The following CLSTN2 variants were observed in gnomAD, a reference collection of about 807,000 sequenced individuals.
CLSTN2 encodes calsyntenin-2.
CLSTN2 carries 48 observed loss-of-function variants against 101.2 expected under a neutral mutation model. That is an observed-to-expected ratio of 0.47 (90% CI 0.38 to 0.60). The LOEUF (loss-of-function observed/expected upper bound fraction) is 0.60. CLSTN2 is among the 20% of genes least tolerant of loss of function. CLSTN2 has a pLI of 0.00. For missense variants in CLSTN2, 1,160 were observed against 1,238.2 expected (o/e 0.94, Z 0.95); for synonymous variants, 481 against 463.6 (o/e 1.04, Z -0.48).
At chr3:140,431,785 A>G (rs1361187973) in intron 5 of CLSTN2, among the ~76,000 whole-genome samples, 2 of 152,198 alleles carry the variant, frequency 1.3e-5, no homozygotes, top group African/African-American at 4.8e-5. Flanking sequence ...CCCAACCCTT[A>G]GCTGGGTCAT....
rs150909591 is a variant in CLSTN2, at chr3:140,021,387, T to C, written c.109+85904T>C. Among the ~76,000 whole-genome samples the C allele has an allele frequency of 6.9e-4, 105 of 152,300 alleles. 2 individuals are homozygous for C. The East Asian group carries it at 0.014, about 20-fold the overall frequency. On this transcript the variant is annotated intron_variant, in intron 1 of 16. Transcript: ENST00000458420. ...TGATGGACTGAAAGCAGAGCAGGAC[T>C]GTCAACGTAGTCAACCCAATGGCGT...
chr3:140,000,492 G>A (rs2006806390), intron 1 of CLSTN2, among the ~76,000 whole-genome samples: 1 of 152,138 alleles, frequency 6.6e-6, no homozygotes, highest in African/African-American at 2.4e-5. Context: ...AATGAACATT[G>A]GAATTATCAG....
chr3:140,177,769 C>T (rs1179197912), intron 2 of CLSTN2, among the ~76,000 whole-genome samples: 1 of 152,088 alleles, frequency 6.6e-6, no homozygotes, highest in Non-Finnish European at 1.5e-5. Flanking sequence ...TGCACTCTAT[C>T]CTGTGTGACA....
At chr3:140,372,249 G>A (rs139689140) in intron 2 of CLSTN2, among the ~76,000 whole-genome samples, 33 of 152,222 alleles carry the variant, frequency 2.2e-4, no homozygotes, top group African/African-American at 6.7e-4. Flanking sequence ...CCTGATCCCC[G>A]TTGCTGGTCT....
At chr3:140,424,966 G>A (rs1461302724) in intron 5 of CLSTN2, among the ~76,000 whole-genome samples, 1 of 152,174 alleles carries the variant, frequency 6.6e-6, no homozygotes, top group African/African-American at 2.4e-5. Flanking sequence ...AGAGGGAGCT[G>A]TGTGCATTTG....
chr3:140,467,998 C>T (rs1037002277), intron 8 of CLSTN2, among the ~76,000 whole-genome samples: 1 of 152,208 alleles, frequency 6.6e-6, no homozygotes, highest in African/African-American at 2.4e-5. Flanking sequence ...GGATGCCAAG[C>T]TGATGGAAAA....
At chr3:139,966,746 G>C (rs1004371388) in intron 1 of CLSTN2, among the ~76,000 whole-genome samples, 9 of 152,200 alleles carry the variant, frequency 5.9e-5, no homozygotes, top group African/African-American at 2.2e-4. Context: ...AGGCTCATAA[G>C]TGTTTGTTGA....
chr3:140,390,534 A>G (rs1399242619), intron 2 of CLSTN2, among the ~76,000 whole-genome samples: 5 of 152,208 alleles, frequency 3.3e-5, no homozygotes, highest in Admixed American at 6.5e-5. Context: ...GGTCTTTATG[A>G]ACATAACATG....
chr3:140,285,707 C>T (rs181171369), intron 2 of CLSTN2, among the ~76,000 whole-genome samples: 38 of 152,212 alleles, frequency 2.5e-4, no homozygotes, highest in African/African-American at 8.9e-4. Flanking sequence ...CTCTTGATGC[C>T]AATGCTGCTG....
chr3:140,115,947 A>G (rs181399133), intron 1 of CLSTN2, among the ~76,000 whole-genome samples: 4 of 152,230 alleles, frequency 2.6e-5, no homozygotes, highest in Admixed American at 2.6e-4. Flanking sequence ...GAATGTAGAC[A>G]CTTGTTTTTG....
chr3:140,468,373 A>G (rs1197927173), intron 8 of CLSTN2, among the ~76,000 whole-genome samples: 2 of 152,252 alleles, frequency 1.3e-5, no homozygotes, highest in Admixed American at 1.3e-4. Flanking sequence ...GCATTGATGC[A>G]GGCAAATGAA....
chr3:140,239,866 T>C (rs938492254), intron 2 of CLSTN2, among the ~76,000 whole-genome samples: 1 of 151,712 alleles, frequency 6.6e-6, no homozygotes. Flanking sequence ...TGTATGTATA[T>C]ATATCTGTGT....
chr3:140,461,811 C>G (rs1248092470), intron 7 of CLSTN2, among the ~76,000 whole-genome samples: 2 of 152,092 alleles, frequency 1.3e-5, no homozygotes, highest in Admixed American at 1.3e-4. Context: ...GCACCCCAAG[C>G]AGCACCCAGT....
At chr3:140,019,936 G>A (rs2007273928) in intron 1 of CLSTN2, among the ~76,000 whole-genome samples, 1 of 152,202 alleles carries the variant, frequency 6.6e-6, no homozygotes, top group East Asian at 1.9e-4. Context: ...GTCGGGGAAG[G>A]TGATGAATGT....
At chr3:140,137,333 G>T (rs1187855284) in intron 1 of CLSTN2, among the ~76,000 whole-genome samples, 1 of 117,106 alleles carries the variant, frequency 8.5e-6, no homozygotes, top group Non-Finnish European at 1.8e-5. Flanking sequence ...GCTGTTTCTT[G>T]CCTGGAAAGT....
intron 1 of CLSTN2, among the ~76,000 whole-genome samples, chr3:140,015,939 A>T (rs762772671): frequency 5.3e-5 from 8 of 152,260 alleles, no homozygotes; most frequent in Non-Finnish European, 8.8e-5. Context: ...ATTGGCCAGT[A>T]TCTGCCCTAG....
chr3:140,163,419 T>TACACACACACAC (rs60464575), intron 1 of CLSTN2, among the ~76,000 whole-genome samples: 2,863 of 145,074 alleles, frequency 0.02, 100 homozygotes, highest in African/African-American at 0.068. Context: ...TTTCTATCTC[T>TACACACACACAC]ACACACACAC....
intron 5 of CLSTN2, 106 bp downstream of exon 5, chr3:140,421,380 T>C (rs2088504579): frequency 7.6e-7 from 1 of 1,307,848 alleles, no homozygotes; most frequent in South Asian, 1.4e-5. Context: ...TAAAGTACAG[T>C]CACTTTGCTG....
intron 1 of CLSTN2, among the ~76,000 whole-genome samples, chr3:140,049,467 G>C (rs1272521769): frequency 6.6e-6 from 1 of 152,092 alleles, no homozygotes; most frequent in African/African-American, 2.4e-5. Flanking sequence ...GCTTATTAGG[G>C]ACTACACATT....
Sources: allele counts gnomAD v4.1 joint callset (sites outside exome capture counted in the v4.1 genomes callset), GRCh38; gene constraint gnomAD v4.1.1; transcripts MANE v1.5; gene names NCBI Gene and HGNC (gene_info 2026-07-23, HGNC 2026-07-21).